The following SPC25 variants were observed in gnomAD, a reference collection of about 807,000 sequenced individuals.
SPC25 encodes SPC25 component of NDC80 kinetochore complex.
Under a neutral mutation model 29.6 loss-of-function variants are expected in SPC25, and 22 were observed. The observed-to-expected ratio is 0.74, with a 90% CI of 0.53 to 1.06. The LOEUF (loss-of-function observed/expected upper bound fraction) is 1.06. Ranked by LOEUF, SPC25 falls within the 50% of genes least tolerant of loss-of-function variation. SPC25 has a pLI of 0.00. For synonymous variants in SPC25, 91 were observed against 90.4 expected (o/e 1.01, Z -0.04); for missense variants, 230 against 255.8 (o/e 0.90, Z 0.69).
intron 3 of SPC25, among the ~76,000 whole-genome samples, chr2:168,878,559 T>C (rs931224677): frequency 1.3e-5 from 2 of 152,252 alleles, no homozygotes; most frequent in Admixed American, 1.3e-4. Context: ...AGACAAGATA[T>C]TTAGCTGGTA....
rs529427351 is a variant in SPC25, at chr2:168,878,721, T to A, written c.200-1337A>T. 2.0e-5 allele frequency among the ~76,000 whole-genome samples: 3 copies of A among 152,340 alleles called. No individual in the cohort carries two copies. The East Asian group carries it at 5.8e-4, about 29-fold the overall frequency. ...TAGTTTTTGTACATAACACCAGTGA[T>A]TAATACATAGGTAAGAATAGATGTT... On this transcript the variant is annotated intron_variant, in intron 3 of 6. Coordinates refer to ENST00000282074, the MANE Select transcript of SPC25 (RefSeq NM_020675.4).
intron 4 of SPC25, among the ~76,000 whole-genome samples, chr2:168,863,225 A>ATTAT (rs1323799211): frequency 3.9e-5 from 6 of 152,252 alleles, no homozygotes; most frequent in Non-Finnish European, 7.3e-5. Flanking sequence ...ATTTGAAATC[A>ATTAT]TTATTTGTTT....
At chr2:168,877,176 A>G (rs1415667427) in intron 4 of SPC25, 62 bp downstream of exon 4, 1 of 1,568,682 alleles carries the variant, frequency 6.4e-7, no homozygotes, top group Non-Finnish European at 8.7e-7. Context: ...AGATGTACTT[A>G]ATAAAGGTGA....
chr2:168,875,389 T>A (rs1690067209), intron 5 of SPC25, among the ~76,000 whole-genome samples: 1 of 152,214 alleles, frequency 6.6e-6, no homozygotes, highest in African/African-American at 2.4e-5. Flanking sequence ...AGTCAGGGAC[T>A]GTCCATACTA....
Position 168,863,537 on chromosome 2 carries a change from T to G in SPC25, n.419+10048A>C. 5.1e-6 allele frequency: 5 copies of G among 985,342 alleles called. 1 individual carries two copies. In the South Asian group the frequency reaches 1.9e-4, roughly 37 times the overall value. The allele number at this position is 985,342 out of a possible 1,614,324, so 61.0% of individuals were successfully genotyped here. A position where few individuals can be genotyped will look rare whatever the true frequency, so the allele number is the denominator to read the frequency against. On this transcript the variant is annotated intron_variant and non_coding_transcript_variant, in intron 4 of 4. Coordinates refer to the SPC25 transcript ENST00000479309. ...AAGAGCCATGTTTCTTGTCCAATTCTCTATGGAATTCTCTTTATTTGAATC... is the reference window on the plus strand; with the variant it reads ...AAGAGCCATGTTTCTTGTCCAATTCGCTATGGAATTCTCTTTATTTGAATC...
At chr2:168,882,197 C>T (rs953299780) in intron 3 of SPC25, among the ~76,000 whole-genome samples, 15 of 152,216 alleles carry the variant, frequency 9.9e-5, no homozygotes, top group African/African-American at 3.6e-4. Context: ...AGATTATTCT[C>T]TAAACAGTGC....
chr2:168,882,086 A>G (rs2105831146), intron 3 of SPC25, among the ~76,000 whole-genome samples: 1 of 152,390 alleles, frequency 6.6e-6, no homozygotes, highest in East Asian at 1.9e-4. Context: ...ATATGAAGAG[A>G]TATTTTATGC....
chr2:168,883,751 C>T (rs973544270), intron 3 of SPC25, among the ~76,000 whole-genome samples: 2 of 151,110 alleles, frequency 1.3e-5, no homozygotes, highest in Admixed American at 6.6e-5. Flanking sequence ...TAGGAGTCCT[C>T]GATGCTGTAT....
chr2:168,877,314 T>C lies in SPC25; in HGVS notation c.270A>G (p.Lys90=). 1 of 1,613,732 alleles carries C rather than the reference T, an allele frequency of 6.2e-7. No homozygotes were observed. The highest frequency in any genetic ancestry group is 1.3e-5 in the African/African-American group (1 of 75,022). ...DNLLKLIAEV[K]GKKQELEVLT... ...GTACTTCCAATTCCTGCTTTTTGCCTTTTACTTCAGCAATCAATTTTAACA... is the reference window on the plus strand; with the variant it reads ...GTACTTCCAATTCCTGCTTTTTGCCCTTTACTTCAGCAATCAATTTTAACA... Residue 90 remains lysine (K), a synonymous_variant, in exon 4 of 7, where the codon AAA becomes AAG. Transcript: ENST00000282074.
chr2:168,876,563 G>A (rs1350815972), intron 4 of SPC25, among the ~76,000 whole-genome samples: 2 of 150,252 alleles, frequency 1.3e-5, no homozygotes, highest in African/African-American at 2.4e-5. Flanking sequence ...TATTTCTTAT[G>A]AGAGGTCAGC....
intron 4 of SPC25, among the ~76,000 whole-genome samples, chr2:168,864,165 A>G (rs535785453): frequency 6.6e-6 from 1 of 152,078 alleles, no homozygotes; most frequent in Non-Finnish European, 1.5e-5. Context: ...ACGGGGTTTC[A>G]CCATGTTGGC....
At chr2:168,864,984 A>G in intron 4 of SPC25, 1 of 1,613,578 alleles carries the variant, frequency 6.2e-7, no homozygotes, top group East Asian at 2.2e-5. Context: ...AAGACTCTGA[A>G]CATACTACCT....
intron 3 of SPC25, among the ~76,000 whole-genome samples, chr2:168,883,832 G>C (rs1345909919): frequency 1.3e-5 from 2 of 150,366 alleles, no homozygotes; most frequent in Non-Finnish European, 2.9e-5. Context: ...GTGCAGTGGT[G>C]CAATCTCAGC....
chr2:168,863,704 G>A lies in SPC25; in HGVS notation n.419+9881C>T, dbSNP rs1689637942. On this transcript the variant is annotated intron_variant and non_coding_transcript_variant, in intron 4 of 4. Coordinates refer to the SPC25 transcript ENST00000479309. ...TTAAACTTTTGGCCTGTGAAATCAG[G>A]GATAATGCAGAGACATTGTCTTGAT... 5 of 956,954 alleles carry A rather than the reference G, an allele frequency of 5.2e-6. No individual in the cohort carries two copies. In the South Asian group the frequency reaches 1.5e-4, roughly 28 times the overall value. The allele number at this position is 956,954 out of a possible 1,614,324, so 59.3% of individuals were successfully genotyped here.
chr2:168,889,035 A>ATATATACATATATATACACATATATG lies in SPC25; in HGVS notation c.199+190_199+191insCATATATGTGTATATATATGTATATA, dbSNP rs1559158696. On this transcript the variant is annotated intron_variant, in intron 3 of 6. Transcript: ENST00000282074. ...TGTATATATATACACATATATATAC[A>ATATATACATATATATACACATATATG]TATATATATACACATATATATACAT... 0.016 allele frequency among the ~76,000 whole-genome samples: 349 copies of ATATATACATATATATACACATATATG among 21,894 alleles called. 23 individuals are homozygous for ATATATACATATATATACACATATATG. In the East Asian group the frequency reaches 0.3, roughly 19 times the overall value. 14.4% of individuals were successfully genotyped at this position (21,894 alleles called of 152,430 possible). A position where few individuals can be genotyped will look rare whatever the true frequency, so the allele number is the denominator to read the frequency against.
In SPC25 at chr2:168,877,171, T is replaced by C. The variant is rs1006878196; in HGVS notation, c.346+67A>G. 3 of 1,550,076 alleles carry C rather than the reference T, an allele frequency of 1.9e-6. No homozygotes were observed. In the African/African-American group the frequency reaches 4.1e-5, roughly 21 times the overall value. On this transcript the variant is annotated intron_variant, in intron 4 of 6. Transcript: ENST00000282074. ...GCAATGAACTGGAACAGGCAAGATG[T>C]ACTTAATAAAGGTGAACCGTCACCA...
At chr2:168,889,012 T>TAC (rs1553539520) in intron 3 of SPC25, among the ~76,000 whole-genome samples, 5 of 62,602 alleles carry the variant, frequency 8.0e-5, no homozygotes, top group African/African-American at 3.4e-4. Flanking sequence ...CACATATATG[T>TAC]ATATATATAC....
chr2:168,883,355 A>G (rs1375901778), intron 3 of SPC25, among the ~76,000 whole-genome samples: 1 of 152,206 alleles, frequency 6.6e-6, no homozygotes, highest in Non-Finnish European at 1.5e-5. Context: ...GCTTTTCTGT[A>G]TGTTCTAAGA....
intron 4 of SPC25, chr2:168,863,325 T>TAAGA (rs1343421228): frequency 5.0e-5 from 42 of 839,142 alleles, no homozygotes; most frequent in Admixed American, 4.4e-4. Context: ...GATTTATGAC[T>TAAGA]AAGAAAATGT....
Sources: gnomAD v4.1 joint callset for allele counts (sites outside exome capture counted in the v4.1 genomes callset) on GRCh38, gnomAD v4.1.1 for gene constraint, MANE v1.5 for transcripts, NCBI Gene and HGNC (gene_info 2026-07-23, HGNC 2026-07-21) for gene names.